BANF2: variants seen among roughly 807,000 people sequenced by gnomAD.
BANF2 encodes the protein barrier-to-autointegration factor-like protein.
Under a neutral mutation model 8.0 loss-of-function variants are expected in BANF2, and 4 were observed. That is an observed-to-expected ratio of 0.50 (90% CI 0.25 to 1.14). The LOEUF (loss-of-function observed/expected upper bound fraction) is 1.14, where lower values mean the gene tolerates loss of function less well. Ranked by LOEUF, BANF2 falls within the 50% of genes most tolerant of loss-of-function variation. BANF2 has a pLI of 0.16. For missense variants in BANF2, 96 were observed against 107.5 expected (o/e 0.89, Z 0.47); for synonymous variants, 50 against 40.6 (o/e 1.23, Z -0.88).
chr20:17,712,754 G>A (rs964554142), intron 1 of BANF2, among the ~76,000 whole-genome samples: 2 of 152,058 alleles, frequency 1.3e-5, no homozygotes, highest in Non-Finnish European at 2.9e-5. Flanking sequence ...GGTAATAATG[G>A]CAGAGAGAGG....
chr20:17,704,123 G>A (rs1049963900), intron 1 of BANF2, among the ~76,000 whole-genome samples: 3 of 152,224 alleles, frequency 2.0e-5, no homozygotes, highest in African/African-American at 7.2e-5. Context: ...GGCTAACTAA[G>A]CCATAGGGCG....
intron 3 of BANF2, among the ~76,000 whole-genome samples, chr20:17,732,895 A>G (rs1049054817): frequency 1.3e-5 from 2 of 152,192 alleles, no homozygotes; most frequent in Admixed American, 1.3e-4. Flanking sequence ...CCAAGCGGGC[A>G]TCTGGCAGGG....
rs558121645 is a variant in BANF2, at chr20:17,730,493, C to T, written c.127-5172C>T. ...CTTGCTCTGCTCTCTCTCGCCCTCACCTCCTTACTGCAAGGTTCTGCTCCC... is the reference window on the plus strand; with the variant it reads ...CTTGCTCTGCTCTCTCTCGCCCTCATCTCCTTACTGCAAGGTTCTGCTCCC... On this transcript the variant is annotated intron_variant, in intron 3 of 3. Coordinates refer to ENST00000246090, the MANE Select transcript of BANF2 (RefSeq NM_178477.5). 5.3e-5 allele frequency among the ~76,000 whole-genome samples: 8 copies of T among 152,152 alleles called. No individual in the cohort carries two copies. In the East Asian group the frequency reaches 1.5e-3, roughly 29 times the overall value.
chr20:17,711,264 C>G (rs1368368744), intron 1 of BANF2, among the ~76,000 whole-genome samples: 1 of 151,650 alleles, frequency 6.6e-6, no homozygotes, highest in Admixed American at 6.6e-5. Context: ...TCCCCCGGGG[C>G]CCCCCTCCAG....
intron 1 of BANF2, among the ~76,000 whole-genome samples, chr20:17,717,569 T>A (rs1199633758): frequency 6.6e-6 from 1 of 152,158 alleles, no homozygotes; most frequent in Non-Finnish European, 1.5e-5. Context: ...GTCATTAGGG[T>A]TAGCTCAGAG....
chr20:17,725,486 A>G (rs1164276572), intron 3 of BANF2, among the ~76,000 whole-genome samples: 8 of 152,050 alleles, frequency 5.3e-5, no homozygotes, highest in African/African-American at 1.9e-4. Context: ...ATTTAGGTGC[A>G]CTCCATGCCC....
intron 3 of BANF2, among the ~76,000 whole-genome samples, chr20:17,734,778 A>G (rs1237414548): frequency 6.6e-6 from 1 of 152,224 alleles, no homozygotes; most frequent in East Asian, 1.9e-4. Context: ...CAAAATATCA[A>G]TAGTGCCGAG....
chr20:17,725,058 C>G lies in BANF2; in HGVS notation c.33C>G (p.Phe11Leu). MDNMSPRLRA[F>L]LSEPIGEKDV... ...ACATGTCTCCCAGGCTGAGAGCCTTCCTCTCCGAACCCATTGGAGAAAAGG... is the reference window on the plus strand; with the variant it reads ...ACATGTCTCCCAGGCTGAGAGCCTTGCTCTCCGAACCCATTGGAGAAAAGG... The change falls in exon 3 of 4, where the codon TTC (phenylalanine) becomes TTG (leucine). Residue 11 changes from phenylalanine (F) to leucine (L), a missense_variant. Transcript: ENST00000246090. 1 of 1,607,514 alleles carries G rather than the reference C, an allele frequency of 6.2e-7. No individual in the cohort carries two copies. The highest frequency in any genetic ancestry group is 8.5e-7 in the Non-Finnish European group (1 of 1,173,952).
intron 1 of BANF2, among the ~76,000 whole-genome samples, chr20:17,694,601 CTTTTTTT>C (rs869067650): frequency 1.9e-4 from 5 of 26,738 alleles, no homozygotes; most frequent in Admixed American, 6.0e-4. Context: ...TTTTCTCTCT[CTTTTTTT>C]TTTTTTTTTT....
intron 1 of BANF2, among the ~76,000 whole-genome samples, chr20:17,694,772 C>T (rs570520475): frequency 6.6e-6 from 1 of 151,616 alleles, no homozygotes; most frequent in African/African-American, 2.4e-5. Context: ...GTTCGTGCCA[C>T]CAGGCCTGGA....
upstream of BANF2, among the ~76,000 whole-genome samples, chr20:17,695,484 G>A (rs1264287120): frequency 1.4e-5 from 2 of 143,476 alleles, no homozygotes; most frequent in Non-Finnish European, 3.0e-5. Flanking sequence ...AGTCGCATAG[G>A]TAAAATTTTG....
chr20:17,727,742 G>A (rs950417110), intron 3 of BANF2, among the ~76,000 whole-genome samples: 1 of 152,022 alleles, frequency 6.6e-6, no homozygotes, highest in Non-Finnish European at 1.5e-5. Flanking sequence ...ATTTTGTTTT[G>A]TTTTTGGTTT....
intron 3 of BANF2, among the ~76,000 whole-genome samples, chr20:17,728,240 C>T (rs578249583): frequency 7.2e-5 from 11 of 152,328 alleles, no homozygotes; most frequent in South Asian, 4.1e-4. Flanking sequence ...CTTGTGACGG[C>T]GTTCCTGGCC....
intron 1 of BANF2, among the ~76,000 whole-genome samples, chr20:17,720,527 T>C (rs1019144571): frequency 6.6e-6 from 1 of 152,134 alleles, no homozygotes; most frequent in African/African-American, 2.4e-5. Flanking sequence ...TTTTTTCTTT[T>C]TAGATTCTCT....
chr20:17,726,552 C>T (rs1235738219), intron 3 of BANF2, among the ~76,000 whole-genome samples: 1 of 152,112 alleles, frequency 6.6e-6, no homozygotes, highest in African/African-American at 2.4e-5. Context: ...ATGTAACATA[C>T]CGAGGAGAAT....
chr20:17,729,754 C>T (rs181642431), intron 3 of BANF2, among the ~76,000 whole-genome samples: 33 of 152,232 alleles, frequency 2.2e-4, no homozygotes, highest in South Asian at 8.3e-4. Context: ...AAAAGGTGGA[C>T]GCTAGTTTGT....
intron 2 of BANF2, among the ~76,000 whole-genome samples, chr20:17,724,365 C>T (rs1313996903): frequency 5.9e-5 from 9 of 152,194 alleles, no homozygotes; most frequent in African/African-American, 2.2e-4. Context: ...TAAGCAAAAG[C>T]CACCTTCTCT....
intron 1 of BANF2, among the ~76,000 whole-genome samples, chr20:17,705,166 A>G (rs1281531310): frequency 6.6e-6 from 1 of 152,144 alleles, no homozygotes; most frequent in Non-Finnish European, 1.5e-5. Flanking sequence ...AGGCCTGGTC[A>G]TGTGTGTCCC....
chr20:17,708,533 T>C (rs1050261033), intron 1 of BANF2, among the ~76,000 whole-genome samples: 1 of 152,206 alleles, frequency 6.6e-6, no homozygotes, highest in African/African-American at 2.4e-5. Context: ...TGGCCTCCTT[T>C]AGATGGGGTC....
Sources: allele counts gnomAD v4.1 joint callset (sites outside exome capture counted in the v4.1 genomes callset), GRCh38; gene constraint gnomAD v4.1.1; transcripts MANE v1.5; gene names NCBI Gene and HGNC (gene_info 2026-07-23, HGNC 2026-07-21).